NXPE2: variants seen among roughly 807,000 people sequenced by gnomAD.
NXPE2 encodes NXPE family member 2.
In NXPE2, 34 loss-of-function variants were observed where a neutral mutation model predicts 34.4. That is an observed-to-expected ratio of 0.99 (90% confidence interval 0.75 to 1.31). The LOEUF is 1.31. NXPE2 is among the 40% of genes most tolerant of loss of function. The probability of loss-of-function intolerance (pLI) is 0.00; values close to 1 mark genes in which losing one functional copy is unlikely to be tolerated. For synonymous variants in NXPE2, 235 were observed against 231.3 expected (o/e 1.02, Z -0.15); for missense variants, 649 against 672.5 (o/e 0.97, Z 0.39).
the NXPE2 span, chr11:114,522,136 G>C: frequency 9.9e-6 from 16 of 1,613,924 alleles, no homozygotes; most frequent in South Asian, 1.8e-4. Flanking sequence ...AACCATGGAA[G>C]TCTCCAAACC....
At chr11:114,615,324 C>T in the NXPE2 span, among the ~76,000 whole-genome samples, 7 of 150,982 alleles carry the variant, frequency 4.6e-5, no homozygotes, top group South Asian at 1.3e-3. Flanking sequence ...GGGTAACCAC[C>T]ATTACCCGCC....
the NXPE2 span, among the ~76,000 whole-genome samples, chr11:114,757,619 A>G: frequency 1.5e-4 from 23 of 152,214 alleles, no homozygotes; most frequent in Admixed American, 7.2e-4. Flanking sequence ...CTATAGCAAT[A>G]ACTTCCTATG....
At chr11:114,683,566 G>A (rs567321022) in intron 2 of NXPE2, among the ~76,000 whole-genome samples, 16 of 152,032 alleles carry the variant, frequency 1.1e-4, no homozygotes, top group Admixed American at 2.6e-4. Context: ...GATTACAGGC[G>A]CGTGCCACCA....
At chr11:114,475,595 C>G in the NXPE2 span, among the ~76,000 whole-genome samples, 1 of 152,076 alleles carries the variant, frequency 6.6e-6, no homozygotes, top group Non-Finnish European at 1.5e-5. Flanking sequence ...CTTTTTGCCA[C>G]AACCACTTCG....
chr11:114,661,845 A>C, the NXPE2 span, among the ~76,000 whole-genome samples: 1 of 152,216 alleles, frequency 6.6e-6, no homozygotes. Context: ...ACAGAAAAAA[A>C]ATTAAGATTC....
At chr11:114,472,684 G>T in the NXPE2 span, among the ~76,000 whole-genome samples, 1 of 152,050 alleles carries the variant, frequency 6.6e-6, no homozygotes, top group Non-Finnish European at 1.5e-5. Context: ...ACTTCTTGCT[G>T]GTCCTCACAT....
chr11:114,809,569 A>T, the NXPE2 span, among the ~76,000 whole-genome samples: 1 of 58,002 alleles, frequency 1.7e-5, no homozygotes, highest in African/African-American at 5.2e-5. Context: ...GAGCCAAATC[A>T]TGAGAGAACT....
At chr11:114,724,591 G>A in the NXPE2 span, among the ~76,000 whole-genome samples, 1 of 151,934 alleles carries the variant, frequency 6.6e-6, no homozygotes, top group Admixed American at 6.6e-5. Flanking sequence ...GATAGTTTTT[G>A]CCCTTATTGC....
the NXPE2 span, among the ~76,000 whole-genome samples, chr11:114,631,760 GATA>G: frequency 4.0e-5 from 6 of 151,804 alleles, no homozygotes; most frequent in South Asian, 6.2e-4. Context: ...TCACCCGGTG[GATA>G]ATAAGTATTG....
downstream of NXPE2, among the ~76,000 whole-genome samples, chr11:114,709,215 A>G (rs1236822813): frequency 6.6e-6 from 1 of 152,224 alleles, no homozygotes; most frequent in Non-Finnish European, 1.5e-5. Flanking sequence ...GTGGTACTAT[A>G]CAGATAGCAC....
the NXPE2 span, chr11:114,528,776 A>C: frequency 1.5e-6 from 1 of 659,012 alleles, no homozygotes; most frequent in South Asian, 1.7e-5. Flanking sequence ...GGTGCCAAGT[A>C]TAACAGATAT....
the NXPE2 span, among the ~76,000 whole-genome samples, chr11:114,588,302 C>T: frequency 2.8e-3 from 422 of 152,286 alleles, 3 homozygotes; most frequent in African/African-American, 9.7e-3. Flanking sequence ...GGTGATGTCA[C>T]TAGGGTTCCC....
chr11:114,739,453 C>T, the NXPE2 span, among the ~76,000 whole-genome samples: 4 of 148,418 alleles, frequency 2.7e-5, no homozygotes, highest in Non-Finnish European at 1.5e-5. Context: ...CTTCCTCCCT[C>T]CCTCCCTCCT....
At chr11:114,503,917 C>G in the NXPE2 span, among the ~76,000 whole-genome samples, 4 of 152,228 alleles carry the variant, frequency 2.6e-5, no homozygotes, top group African/African-American at 9.6e-5. Flanking sequence ...CTGGCCTCTC[C>G]CATGGCCCCA....
At chr11:114,657,426 T>C in the NXPE2 span, among the ~76,000 whole-genome samples, 2 of 152,208 alleles carry the variant, frequency 1.3e-5, no homozygotes, top group Non-Finnish European at 2.9e-5. Context: ...AGCTCAGCAG[T>C]ATTAGTGATA....
At chr11:114,712,317 C>G in the NXPE2 span, among the ~76,000 whole-genome samples, 1 of 152,254 alleles carries the variant, frequency 6.6e-6, no homozygotes, top group South Asian at 2.1e-4. Flanking sequence ...TTAAAAACTT[C>G]TGCATAGCCA....
chr11:114,607,785 C>T, the NXPE2 span, among the ~76,000 whole-genome samples: 83 of 151,454 alleles, frequency 5.5e-4, no homozygotes, highest in East Asian at 0.012. Context: ...CACTGTTACA[C>T]GGTGGAGAAT....
the NXPE2 span, among the ~76,000 whole-genome samples, chr11:114,491,257 C>T: frequency 2.0e-5 from 3 of 151,318 alleles, no homozygotes; most frequent in Non-Finnish European, 4.4e-5. Flanking sequence ...TTTTCGCAAC[C>T]TACTCATCTG....
At chr11:114,534,924 C>G in the NXPE2 span, among the ~76,000 whole-genome samples, 54 of 152,272 alleles carry the variant, frequency 3.5e-4, 1 homozygote, top group Middle Eastern at 3.4e-3. Context: ...TCAGGAAATA[C>G]AGAGAACGCC....
Sources: allele counts gnomAD v4.1 joint callset (sites outside exome capture counted in the v4.1 genomes callset), GRCh38; gene constraint gnomAD v4.1.1; transcripts MANE v1.5; gene names NCBI Gene and HGNC (gene_info 2026-07-23, HGNC 2026-07-21).